Variants in ALK observed in about 807,000 individuals in gnomAD.
The protein encoded by ALK is ALK tyrosine kinase receptor.
A neutral mutation model predicts 163.1 loss-of-function variants in ALK; 74 were observed. The ratio of observed to expected loss-of-function variants is 0.45; its 90% CI spans 0.38 to 0.55. ALK has a LOEUF of 0.55. Ranked by LOEUF, ALK falls within the 20% of genes least tolerant of loss-of-function variation. The probability of loss-of-function intolerance (pLI) is 0.00; values close to 1 mark genes in which losing one functional copy is unlikely to be tolerated. For missense variants in ALK, 2,063 were observed against 2,105.3 expected (o/e 0.98, Z 0.39); for synonymous variants, 960 against 843.2 (o/e 1.14, Z -2.40).
chr2:29,711,052 C>A (rs1679084034), intron 2 of ALK, among the ~76,000 whole-genome samples: 1 of 152,198 alleles, frequency 6.6e-6, no homozygotes, highest in Non-Finnish European at 1.5e-5. Flanking sequence ...CACTCAATTA[C>A]TCAAGGTGGA....
intron 5 of ALK, among the ~76,000 whole-genome samples, chr2:29,360,833 G>A (rs1233714958): frequency 6.6e-6 from 1 of 152,200 alleles, no homozygotes; most frequent in African/African-American, 2.4e-5. Context: ...TATGAGGTTT[G>A]TGCAAAGATG....
At chr2:29,783,694 GA>G (rs920303333) in intron 1 of ALK, among the ~76,000 whole-genome samples, 4 of 152,194 alleles carry the variant, frequency 2.6e-5, no homozygotes, top group African/African-American at 9.7e-5. Flanking sequence ...AAAAAGCTTT[GA>G]AATATAAAGT....
chr2:29,452,122 C>G (rs978341157), intron 4 of ALK, among the ~76,000 whole-genome samples: 2 of 152,178 alleles, frequency 1.3e-5, no homozygotes, highest in Non-Finnish European at 1.5e-5. Context: ...CGTCCCCACT[C>G]TCTACCCCAC....
intron 2 of ALK, among the ~76,000 whole-genome samples, chr2:29,712,565 T>C (rs1679132301): frequency 1.3e-5 from 2 of 152,110 alleles, no homozygotes. Flanking sequence ...GCAAATCCTA[T>C]ACAGAGCCAG....
intron 26 of ALK, among the ~76,000 whole-genome samples, chr2:29,200,587 A>G (rs1049301636): frequency 1.3e-5 from 2 of 151,810 alleles, no homozygotes; most frequent in Non-Finnish European, 2.9e-5. Flanking sequence ...TATTTTATCT[A>G]GAAACCCTAC....
intron 6 of ALK, among the ~76,000 whole-genome samples, chr2:29,327,649 C>T (rs1667308591): frequency 6.6e-6 from 1 of 152,198 alleles, no homozygotes; most frequent in South Asian, 2.1e-4. Flanking sequence ...GATGGTTGAA[C>T]AACCCTGTGA....
At chr2:29,622,259 G>A (rs777268362) in intron 3 of ALK, among the ~76,000 whole-genome samples, 8 of 152,074 alleles carry the variant, frequency 5.3e-5, no homozygotes, top group Admixed American at 2.6e-4. Flanking sequence ...CTGTTTTCAC[G>A]CTGCTAATAA....
At chr2:29,867,739 T>C (rs1007971970) in intron 1 of ALK, among the ~76,000 whole-genome samples, 2 of 152,208 alleles carry the variant, frequency 1.3e-5, no homozygotes, top group Middle Eastern at 3.2e-3. Context: ...AGCCATTCTT[T>C]ATGACCTCAG....
At chr2:29,900,864 G>A (rs1274958098) in intron 1 of ALK, among the ~76,000 whole-genome samples, 1 of 152,180 alleles carries the variant, frequency 6.6e-6, no homozygotes, top group Non-Finnish European at 1.5e-5. Context: ...GAAGGAGTGA[G>A]GGACAAGGGA....
chr2:29,339,907 G>T (rs1304947434), intron 5 of ALK, among the ~76,000 whole-genome samples: 1 of 152,218 alleles, frequency 6.6e-6, no homozygotes, highest in Non-Finnish European at 1.5e-5. Flanking sequence ...CAAGATTCCT[G>T]TAGGCCACCC....
intron 5 of ALK, among the ~76,000 whole-genome samples, chr2:29,328,834 C>T (rs1036209633): frequency 3.3e-5 from 5 of 152,190 alleles, no homozygotes; most frequent in African/African-American, 9.7e-5. Context: ...TGGAGTCTCA[C>T]CTGCACAGAT....
chr2:29,663,233 C>A (rs1198445808), intron 3 of ALK, among the ~76,000 whole-genome samples: 1 of 152,130 alleles, frequency 6.6e-6, no homozygotes, highest in Non-Finnish European at 1.5e-5. Flanking sequence ...TTCAAAATGA[C>A]CTAGTAATTA....
intron 4 of ALK, among the ~76,000 whole-genome samples, chr2:29,511,806 G>A (rs907066846): frequency 6.6e-6 from 1 of 152,108 alleles, no homozygotes; most frequent in Non-Finnish European, 1.5e-5. Context: ...ACAACACTTG[G>A]TATGGTTAGT....
chr2:29,874,059 C>T (rs1046820803), intron 1 of ALK, among the ~76,000 whole-genome samples: 1 of 152,154 alleles, frequency 6.6e-6, no homozygotes, highest in African/African-American at 2.4e-5. Context: ...ATTGCTCCAC[C>T]ATCAAAGCAC....
At position 29,251,115 on chromosome 2, in the gene ALK, C is replaced by T. The variant is rs768366852; in HGVS notation, c.2194G>A (p.Asp732Asn). The change falls in exon 12 of 29, where the codon GAC (aspartate) becomes AAC (asparagine). Residue 732 changes from aspartate to asparagine, a missense_variant. Coordinates refer to ENST00000389048, the MANE Select transcript of ALK (RefSeq NM_004304.5). ...CTCTTCCATACGCACCTGTAGGTGT[C>T]GGTGGCTGGCACCTTCCAGATCTGG... is the stretch of plus-strand genomic sequence containing the variant. The part of the protein sequence containing the change: ...GIQIWKVPAT[D>N]TYSISGYGAA... 28 of 1,613,906 alleles carry T rather than the reference C, an allele frequency of 1.7e-5. No homozygotes were observed. The highest frequency in any genetic ancestry group is 5.3e-5 in the African/African-American group (4 of 74,924).
chr2:29,858,235 C>T (rs1385810090), intron 1 of ALK, among the ~76,000 whole-genome samples: 1 of 152,132 alleles, frequency 6.6e-6, no homozygotes, highest in Non-Finnish European at 1.5e-5. Flanking sequence ...TCCCTAACAC[C>T]CAGTAACCAC....
chr2:29,757,925 C>T (rs1203190941), intron 1 of ALK, among the ~76,000 whole-genome samples: 1 of 151,746 alleles, frequency 6.6e-6, no homozygotes, highest in Non-Finnish European at 1.5e-5. Context: ...CAGACATGAT[C>T]TCACTCAGGC....
chr2:29,213,279 G>A (rs1441308845), intron 24 of ALK, among the ~76,000 whole-genome samples: 15 of 152,216 alleles, frequency 9.9e-5, no homozygotes, highest in Non-Finnish European at 2.1e-4. Flanking sequence ...TGATGTCCCA[G>A]TCTATACAGC....
At chr2:29,769,825 T>C (rs1680967455) in intron 1 of ALK, among the ~76,000 whole-genome samples, 1 of 152,222 alleles carries the variant, frequency 6.6e-6, no homozygotes, top group Non-Finnish European at 1.5e-5. Context: ...GCGGTTTAGA[T>C]ACTGGGCAGC....
Sources: allele counts gnomAD v4.1 joint callset (sites outside exome capture counted in the v4.1 genomes callset), GRCh38; gene constraint gnomAD v4.1.1; transcripts MANE v1.5; gene names NCBI Gene and HGNC (gene_info 2026-07-23, HGNC 2026-07-21).